GALNT7: variants seen among roughly 807,000 people sequenced by gnomAD.
The protein encoded by GALNT7 is N-acetylgalactosaminyltransferase 7.
Under a neutral mutation model 82.1 loss-of-function variants are expected in GALNT7, and 60 were observed. The ratio of observed to expected loss-of-function variants is 0.73; its 90% CI spans 0.59 to 0.91. The LOEUF (loss-of-function observed/expected upper bound fraction) is 0.91. Among genes scored for constraint, GALNT7 ranks in the 40% least tolerant of loss-of-function variants. The pLI is 0.00. For synonymous variants in GALNT7, 243 were observed against 275.1 expected (o/e 0.88, Z 1.15); for missense variants, 660 against 804.2 (o/e 0.82, Z 2.17).
intron 2 of GALNT7, among the ~76,000 whole-genome samples, chr4:173,290,758 A>T (rs1736502900): frequency 6.6e-6 from 1 of 152,220 alleles, no homozygotes; most frequent in South Asian, 2.1e-4. Context: ...CTGGCACACA[A>T]CCTGGTTTAC....
At chr4:173,301,863 G>T (rs1015954601) in intron 6 of GALNT7, among the ~76,000 whole-genome samples, 184 bp from the exon 7 acceptor site, 2 of 152,192 alleles carry the variant, frequency 1.3e-5, no homozygotes, top group African/African-American at 2.4e-5. Context: ...TGGTAAATTC[G>T]TTAGGGAATT....
chr4:173,241,818 AT>A (rs905187903), intron 1 of GALNT7, among the ~76,000 whole-genome samples: 9 of 152,190 alleles, frequency 5.9e-5, no homozygotes, highest in African/African-American at 1.9e-4. Context: ...GGGGGGTGGC[AT>A]TTAATTGGCT....
chr4:173,211,275 C>T (rs1430297298), intron 1 of GALNT7, among the ~76,000 whole-genome samples: 1 of 152,220 alleles, frequency 6.6e-6, no homozygotes, highest in Non-Finnish European at 1.5e-5. Flanking sequence ...TGTACCCTCA[C>T]TAGATCTGTT....
chr4:173,207,478 G>A (rs958151690), intron 1 of GALNT7, among the ~76,000 whole-genome samples: 1 of 152,092 alleles, frequency 6.6e-6, no homozygotes. Context: ...ACTTTCTCTC[G>A]AAACCATCTT....
At chr4:173,201,699 C>A (rs1270370836) in intron 1 of GALNT7, among the ~76,000 whole-genome samples, 1 of 152,166 alleles carries the variant, frequency 6.6e-6, no homozygotes, top group Non-Finnish European at 1.5e-5. Flanking sequence ...AGAAAAAGCA[C>A]CTTTTTTTTC....
chr4:173,187,824 G>GTGA (rs1209232943), intron 1 of GALNT7, among the ~76,000 whole-genome samples: 15 of 152,214 alleles, frequency 9.9e-5, no homozygotes, highest in Admixed American at 9.2e-4. Context: ...TCTGTGTGTC[G>GTGA]TGAAGCATAA....
intron 1 of GALNT7, among the ~76,000 whole-genome samples, chr4:173,212,269 T>G (rs957881958): frequency 2.0e-5 from 3 of 152,208 alleles, no homozygotes; most frequent in Non-Finnish European, 1.5e-5. Context: ...AATTAAATAT[T>G]TTCATAGTTC....
chr4:173,312,419 A>G (rs1000347525), intron 8 of GALNT7, among the ~76,000 whole-genome samples: 1 of 152,200 alleles, frequency 6.6e-6, no homozygotes, highest in Non-Finnish European at 1.5e-5. Context: ...CAAGAGAGAG[A>G]CCAAGGAAGC....
intron 2 of GALNT7, among the ~76,000 whole-genome samples, chr4:173,291,783 G>A (rs10018658): frequency 0.037 from 5,400 of 146,018 alleles, 320 homozygotes; most frequent in African/African-American, 0.13. Context: ...AATAACTAAG[G>A]TCCAGGTCAT....
At position 173,242,096 on chromosome 4, in the gene GALNT7, T is replaced by G. The variant is rs777341143; in HGVS notation, c.127-5884T>G. ...CCCTGCTTAAGTTTAATATACAGTA[T>G]TAGAGTTGCTGACCTTGATTTCTTT... On this transcript the variant is annotated intron_variant, in intron 1 of 11. Coordinates refer to ENST00000265000, the MANE Select transcript of GALNT7 (RefSeq NM_017423.3). Among the ~76,000 whole-genome samples, 247 of 152,244 alleles carry G rather than the reference T, an allele frequency of 1.6e-3. 5 individuals carry two copies. The highest frequency in any genetic ancestry group is 3.9e-4 in the African/African-American group (16 of 41,464).
chr4:173,267,568 A>T (rs1160506990), intron 2 of GALNT7, among the ~76,000 whole-genome samples: 3 of 152,162 alleles, frequency 2.0e-5, no homozygotes, highest in African/African-American at 4.8e-5. Context: ...GCTTCACAGG[A>T]CCAGGGGCCC....
chr4:173,283,698 G>C (rs1261558514), intron 2 of GALNT7, among the ~76,000 whole-genome samples: 1 of 151,860 alleles, frequency 6.6e-6, no homozygotes, highest in Non-Finnish European at 1.5e-5. Flanking sequence ...ACCCTGTACA[G>C]GGGCTGTGTA....
intron 3 of GALNT7, among the ~76,000 whole-genome samples, chr4:173,295,175 G>GA (rs1736675609): frequency 6.6e-6 from 1 of 152,160 alleles, no homozygotes; most frequent in Non-Finnish European, 1.5e-5. Flanking sequence ...GTTTAGAAGG[G>GA]TGTTTGATAA....
intron 2 of GALNT7, among the ~76,000 whole-genome samples, chr4:173,252,208 T>C (rs1429325916): frequency 6.6e-6 from 1 of 152,214 alleles, no homozygotes; most frequent in Non-Finnish European, 1.5e-5. Flanking sequence ...ACATCCATAT[T>C]GTGCACATGA....
At chr4:173,314,531 C>T (rs1024279102) in intron 9 of GALNT7, among the ~76,000 whole-genome samples, 3 of 152,296 alleles carry the variant, frequency 2.0e-5, no homozygotes, top group Non-Finnish European at 2.9e-5. Context: ...TCTTACTATT[C>T]CCCACTTCAT....
At chr4:173,270,584 T>G (rs1579976018) in intron 2 of GALNT7, among the ~76,000 whole-genome samples, 1 of 152,194 alleles carries the variant, frequency 6.6e-6, no homozygotes, top group Non-Finnish European at 1.5e-5. Flanking sequence ...ATTTCTAAGG[T>G]TTTTGATGGA....
intron 1 of GALNT7, among the ~76,000 whole-genome samples, chr4:173,227,549 T>G (rs1412732277): frequency 1.3e-5 from 2 of 152,172 alleles, no homozygotes; most frequent in Non-Finnish European, 2.9e-5. Flanking sequence ...GCCAAGATGG[T>G]CTCGATCTCC....
At chr4:173,230,468 T>G (rs13125240) in intron 1 of GALNT7, among the ~76,000 whole-genome samples, 1 of 152,008 alleles carries the variant, frequency 6.6e-6, no homozygotes, top group Non-Finnish European at 1.5e-5. Context: ...TAAAAGGTGG[T>G]AGGTAGCAAG....
At position 173,281,973 on chromosome 4, in the gene GALNT7, G is replaced by GC. The variant is rs1223686146; in HGVS notation, c.588-10134dup. Among the ~76,000 whole-genome samples the GC allele has an allele frequency of 3.3e-5, 5 of 152,252 alleles. No homozygotes were observed. The East Asian group carries it at 9.7e-4, about 29-fold the overall frequency. On this transcript the variant is annotated intron_variant, in intron 2 of 11. Coordinates refer to ENST00000265000, the MANE Select transcript of GALNT7 (RefSeq NM_017423.3). ...GTCCTGCATCCAAAAAAATTAAGGA[G>GC]CATGGACACAAGGGTGGGGGTGGAG...
Sources: gnomAD v4.1 joint callset for allele counts (sites outside exome capture counted in the v4.1 genomes callset) on GRCh38, gnomAD v4.1.1 for gene constraint, MANE v1.5 for transcripts, NCBI Gene and HGNC (gene_info 2026-07-23, HGNC 2026-07-21) for gene names.